The following IHO1 variants were observed in gnomAD, a reference collection of about 807,000 sequenced individuals.
IHO1 encodes interactor of HORMAD1 1, also known as interactor of HORMAD1 protein 1.
IHO1 carries 13 observed loss-of-function variants against 31.0 expected under a neutral mutation model. The ratio of observed to expected loss-of-function variants is 0.42; its 90% CI spans 0.27 to 0.67. IHO1 has a LOEUF of 0.67. IHO1 is among the 30% of genes least tolerant of loss of function. The pLI, the probability that IHO1 is intolerant of heterozygous loss-of-function variation, is 0.24. For synonymous variants in IHO1, 221 were observed against 248.4 expected (o/e 0.89, Z 1.04); for missense variants, 599 against 687.5 (o/e 0.87, Z 1.44).
At chr3:49,243,485 G>A (rs533745286) in intron 4 of IHO1, among the ~76,000 whole-genome samples, 14 of 152,032 alleles carry the variant, frequency 9.2e-5, no homozygotes, top group Admixed American at 2.6e-4. Context: ...GTGGCCAGGC[G>A]CGGTGGCTCA....
At chr3:49,245,266 A>C in intron 6 of IHO1, 1 of 156,354 alleles carries the variant, frequency 6.4e-6, no homozygotes, top group Non-Finnish European at 1.4e-5. Context: ...GGCTCACTGC[A>C]AGCTCCGCCT....
chr3:49,223,648 G>A (rs1204025417), intron 2 of IHO1, among the ~76,000 whole-genome samples: 2 of 151,574 alleles, frequency 1.3e-5, no homozygotes, highest in African/African-American at 2.4e-5. Flanking sequence ...CCGAGATCAC[G>A]CCACTGCACT....
intron 6 of IHO1, among the ~76,000 whole-genome samples, chr3:49,249,550 A>G (rs9850917): frequency 0.11 from 16,727 of 152,160 alleles, 1,016 homozygotes; most frequent in African/African-American, 0.14. Flanking sequence ...TTATAGGTGT[A>G]AGCCACCACG....
At chr3:49,194,141 A>G (rs1304502407), upstream of IHO1, among the ~76,000 whole-genome samples, 2 of 131,688 alleles carry the variant, frequency 1.5e-5, no homozygotes, top group African/African-American at 2.9e-5. Context: ...GGTGGCAGGC[A>G]CCTGTAATCC....
chr3:49,191,650 A>G, the IHO1 span: 12 of 1,424,768 alleles, frequency 8.4e-6, no homozygotes, highest in Admixed American at 8.4e-5. Context: ...TTGGATGCCA[A>G]ATGAAAACCT....
chr3:49,213,570 G>A (rs1392668976), intron 2 of IHO1, among the ~76,000 whole-genome samples: 3 of 152,210 alleles, frequency 2.0e-5, no homozygotes, highest in Admixed American at 6.5e-5. Context: ...CGATGGGACC[G>A]GGCACCACGG....
chr3:49,256,377 C>A lies in IHO1; in HGVS notation c.880C>A (p.Pro294Thr), dbSNP rs867997645. Residue 294 changes from proline to threonine, a missense_variant, in exon 8 of 8, where the codon CCA becomes ACA. Pro to Thr is a conservative substitution (Grantham distance 38). Transcript: ENST00000452691. This position sits in a 1 kb window ranked among gnomAD's most constrained non-coding sequence, Gnocchi z 4.6. ...GCAGGAAAAATACACCTCTGAGAAA[C>A]CAGTTTTATGGCAGGCCCAGGCCCT... ...TRQEKYTSEK[P>T]VLWQAQALPA... The A allele has an allele frequency of 6.2e-7, 1 of 1,614,166 alleles. No homozygotes were observed. The highest frequency in any genetic ancestry group is 1.7e-5 in the Admixed American group (1 of 60,004).
chr3:49,241,586 AAG>A (rs2046632119), intron 4 of IHO1, among the ~76,000 whole-genome samples, 197 bp downstream of exon 4: 1 of 151,754 alleles, frequency 6.6e-6, no homozygotes, highest in African/African-American at 2.4e-5. Context: ...CACACAGAGA[AAG>A]AGGGAGAAAG....
chr3:49,236,626 T>A lies in IHO1; in HGVS notation c.135T>A (p.Ser45=). 1 of 1,613,804 alleles carries A rather than the reference T, an allele frequency of 6.2e-7. No individual in the cohort carries two copies. Among genetic ancestry groups the A allele is most frequent in the Non-Finnish European group, 8.5e-7 (1 of 1,179,736 alleles). The change falls in exon 3 of 8, where the codon TCT becomes TCA. Residue 45 remains serine (S), a synonymous_variant. Coordinates refer to ENST00000452691, the MANE Select transcript of IHO1 (RefSeq NM_001135197.2). The stretch of plus-strand genomic sequence containing the variant: ...GTGATTCCCAGTTCCTCTTTGGATC[T>A]CAGTTCTGTCCAGAAAATTCAGAAA... ...SLSDSQFLFG[S]QFCPENSETL... is the part of the protein sequence containing the mutation.
chr3:49,257,626 C>T lies in IHO1; in HGVS notation c.*344C>T, dbSNP rs61333414. The T allele has an allele frequency of 4.9e-6, 1 of 205,576 alleles. No individual in the cohort carries two copies. The highest frequency in any genetic ancestry group is 1.2e-4 in the East Asian group (1 of 8,276). The allele number at this position is 205,576 out of a possible 1,614,324, so 12.7% of individuals were successfully genotyped here. On this transcript the variant is annotated 3_prime_UTR_variant, in exon 8 of 8. Transcript: ENST00000452691. ...TGGAATACTGTGTAGCAGAAGGGCT[C>T]TCATAAAACTGTTGCGGTGGCAGCA...
chr3:49,244,769 A>T (rs1199006582), intron 6 of IHO1, 36 bp downstream of exon 6: 1 of 1,539,672 alleles, frequency 6.5e-7, no homozygotes, highest in Non-Finnish European at 9.0e-7. Context: ...AGCAGAGGGC[A>T]CTGGTGAATG....
At position 49,209,634 on chromosome 3, in the gene IHO1, TAAAA is replaced by T. The variant is rs780368754; in HGVS notation, c.-15-2123_-15-2120del. Among the ~76,000 whole-genome samples, 5 of 138,864 alleles carry T rather than the reference TAAAA, an allele frequency of 3.6e-5. No homozygotes were observed. The East Asian group carries it at 1.0e-3, about 29-fold the overall frequency. The allele number at this position is 138,864 out of a possible 152,430, so 91.1% of individuals were successfully genotyped here. A position where few individuals can be genotyped will look rare whatever the true frequency, so the allele number is the denominator to read the frequency against. ...CTGCGTGACAGAGTGGGACTTCATCTAAAAAAAAAAAAGGCTTGTATTTCTAATT... is the reference window on the plus strand; with the variant it reads ...CTGCGTGACAGAGTGGGACTTCATCTAAAAAAAAGGCTTGTATTTCTAATT... On this transcript the variant is annotated intron_variant, in intron 1 of 7. Coordinates refer to ENST00000452691, the MANE Select transcript of IHO1 (RefSeq NM_001135197.2).
At chr3:49,208,685 C>T (rs532752025) in intron 1 of IHO1, among the ~76,000 whole-genome samples, 1 of 152,234 alleles carries the variant, frequency 6.6e-6, no homozygotes, top group South Asian at 2.1e-4. Context: ...CCCATAATCA[C>T]CTCTATGTGT....
chr3:49,215,170 C>A (rs1228538786), intron 2 of IHO1, among the ~76,000 whole-genome samples: 1 of 151,896 alleles, frequency 6.6e-6, no homozygotes, highest in Non-Finnish European at 1.5e-5. Context: ...CCTGCCTTAG[C>A]GCCCCCAGTA....
At position 49,243,940 on chromosome 3, in the gene IHO1, CT is replaced by C. The variant is rs1176268885; in HGVS notation, c.396-450del. ...TGGTCATAGGAAGTCTGTGTTCTCT[CT>C]TTTTTTTTTTTTTAACTTTTTATTT... On this transcript the variant is annotated intron_variant, in intron 4 of 7. Coordinates refer to ENST00000452691, the MANE Select transcript of IHO1 (RefSeq NM_001135197.2). 4.5e-3 allele frequency among the ~76,000 whole-genome samples: 620 copies of C among 138,702 alleles called. 1 individual carries two copies. The highest frequency in any genetic ancestry group is 0.014 in the Middle Eastern group (4 of 276). The allele number at this position is 138,702 out of a possible 152,430, so 91.0% of individuals were successfully genotyped here.
chr3:49,230,500 A>C (rs1260584609), intron 2 of IHO1, among the ~76,000 whole-genome samples: 1 of 152,260 alleles, frequency 6.6e-6, no homozygotes, highest in East Asian at 1.9e-4. Context: ...AAGTCATGTT[A>C]AACAGTCCAA....
At chr3:49,247,266 G>C (rs747678929) in intron 6 of IHO1, among the ~76,000 whole-genome samples, 29 of 151,886 alleles carry the variant, frequency 1.9e-4, no homozygotes, top group Non-Finnish European at 4.1e-4. Context: ...GTCTCGCTCT[G>C]TCACCCAGGC....
chr3:49,241,191 T>A (rs1244510744), intron 3 of IHO1, 35 bp from the exon 4 acceptor site: 2 of 1,523,056 alleles, frequency 1.3e-6, no homozygotes, highest in Non-Finnish European at 1.8e-6. Flanking sequence ...AATATTTTTA[T>A]GTGTGAAATG....
chr3:49,192,199 T>C, the IHO1 span, among the ~76,000 whole-genome samples: 4 of 152,236 alleles, frequency 2.6e-5, no homozygotes, highest in African/African-American at 7.2e-5. Context: ...TGGTGGCTTT[T>C]AGGATAAAAT....
Sources: allele counts gnomAD v4.1 joint callset (sites outside exome capture counted in the v4.1 genomes callset), GRCh38; gene constraint gnomAD v4.1.1; non-coding constraint Gnocchi (gnomAD v3.1); transcripts MANE v1.5; gene names NCBI Gene and HGNC (gene_info 2026-07-23, HGNC 2026-07-21).